Variants in MPHOSPH9 observed in about 807,000 individuals in gnomAD.
MPHOSPH9 encodes M-phase phosphoprotein 9.
In MPHOSPH9, 88 loss-of-function variants were observed where a neutral mutation model predicts 145.5. The ratio of observed to expected loss-of-function variants is 0.60; its 90% confidence interval spans 0.51 to 0.72. MPHOSPH9 has a LOEUF of 0.72. Ranked by LOEUF, MPHOSPH9 falls within the 30% of genes least tolerant of loss-of-function variation. MPHOSPH9 has a pLI of 0.00. For synonymous variants in MPHOSPH9, 435 were observed against 486.2 expected (o/e 0.89, Z 1.39); for missense variants, 1,238 against 1,386.6 (o/e 0.89, Z 1.70).
At chr12:123,197,199 T>C (rs1412981554) in intron 12 of MPHOSPH9, among the ~76,000 whole-genome samples, 1 of 151,848 alleles carries the variant, frequency 6.6e-6, no homozygotes, top group African/African-American at 2.4e-5. Flanking sequence ...AAATTTTTTT[T>C]TGAGACAGGG....
intron 3 of MPHOSPH9, among the ~76,000 whole-genome samples, chr12:123,226,940 T>A (rs1438174579): frequency 6.6e-6 from 1 of 152,194 alleles, no homozygotes; most frequent in African/African-American, 2.4e-5. Flanking sequence ...CTCGGCCATG[T>A]AAGTATTCTT....
At chr12:123,192,770 T>C (rs1002953325) in intron 13 of MPHOSPH9, among the ~76,000 whole-genome samples, 5 of 151,786 alleles carry the variant, frequency 3.3e-5, no homozygotes, top group Non-Finnish European at 7.4e-5. Flanking sequence ...TAAGACACCA[T>C]TGATTATATA....
intron 1 of MPHOSPH9, chr12:123,240,674 T>C (rs1466648784): frequency 6.6e-6 from 1 of 150,672 alleles, no homozygotes; most frequent in Non-Finnish European, 1.5e-5. Context: ...GGTCCAGAGA[T>C]TGACATCTCA....
chr12:123,202,753 G>A lies in MPHOSPH9; in HGVS notation c.1652C>T (p.Thr551Ile), dbSNP rs1022585002. The A allele has an allele frequency of 1.2e-6, 2 of 1,614,162 alleles. No homozygotes were observed. The highest frequency in any genetic ancestry group is 4.5e-5 in the East Asian group (2 of 44,884). Residue 551 changes from threonine (T) to isoleucine (I), a missense_variant, in exon 10 of 24, where the codon ACT (threonine) becomes ATT (isoleucine). By Grantham distance (89) the Thr-to-Ile change is moderately conservative (BLOSUM62 -1). Around this residue, in one of 3 missense-constraint regions of MPHOSPH9, gnomAD observed 837 missense variants for 897.5 expected, o/e 0.93. Coordinates refer to ENST00000606320, the MANE Select transcript of MPHOSPH9 (RefSeq NM_022782.4). ...CATGACAGTGTTTTCTTCATCTACA[G>A]TGTTGACCGAGATATCATTACTAGT... ...TITSNDISVN[T>I]VDEENTVMVA...
rs750477708 is a variant in MPHOSPH9 at position 123,194,435 on chromosome 12, G to C, written c.2192C>G (p.Ser731Ter). The change falls in exon 13 of 24, where the codon TCA becomes TGA. Residue 731 changes from serine (S) to a stop codon, truncating the protein, a stop_gained. Coordinates refer to ENST00000606320, the MANE Select transcript of MPHOSPH9 (RefSeq NM_022782.4). LOFTEE classifies it high-confidence loss of function. Reference sequence around the variant, plus strand: ...TTTTAGTTGAGCTTCTTTATCATCTGAGAGTTTGTAAGCATTCTCAAATGC... The same window carrying C: ...TTTTAGTTGAGCTTCTTTATCATCTCAGAGTTTGTAAGCATTCTCAAATGC... ...EEAFENAYKLSDDKEAQLKQE... is the reference protein window; with the variant it reads ...EEAFENAYKL 2 of 1,608,408 alleles carry C rather than the reference G, an allele frequency of 1.2e-6. No homozygotes were observed. The highest frequency in any genetic ancestry group is 4.5e-5 in the East Asian group (2 of 44,844).
chr12:123,198,267 T>C lies in MPHOSPH9; in HGVS notation c.2005A>G (p.Asn669Asp). ...CTTACCACTTCAATTTCCAGTAAGT[T>C]ATTCTTATTTTCAAGTGTTCTCACG... is the stretch of plus-strand genomic sequence containing the variant. ...SRVRTLENKN[N>D]LLEIEVNDLR... The change falls in exon 12 of 24, where the codon AAC becomes GAC. Residue 669 changes from asparagine to aspartate, a missense_variant. By Grantham distance (23) the Asn-to-Asp change is conservative. Coordinates refer to ENST00000606320, the MANE Select transcript of MPHOSPH9 (RefSeq NM_022782.4). The C allele has an allele frequency of 4.3e-6, 7 of 1,611,064 alleles. No individual in the cohort carries two copies. The highest frequency in any genetic ancestry group is 5.9e-6 in the Non-Finnish European group (7 of 1,178,326).
At position 123,154,445 on chromosome 12, in the gene MPHOSPH9, GA is replaced by G. The variant is rs2043823548; in HGVS notation, c.*2361del. On this transcript the variant is annotated 3_prime_UTR_variant, in exon 24 of 24. Transcript: ENST00000606320. The stretch of plus-strand genomic sequence containing the variant: ...CCTCTTCACAGCTATGAAGAAAAAA[GA>G]ATACATTTTTTAGAAATAAGTGACT... 1 of 152,104 alleles carries G rather than the reference GA, an allele frequency of 6.6e-6. No individual in the cohort carries two copies. Among genetic ancestry groups the G allele is most frequent in the Non-Finnish European group, 1.5e-5 (1 of 68,008 alleles). 9.4% of individuals were successfully genotyped at this position (152,104 alleles called of 1,614,324 possible).
chr12:123,202,762 G>A lies in MPHOSPH9; in HGVS notation c.1643C>T (p.Ser548Leu), dbSNP rs769274779. ...SVYTITSNDI[S>L]VNTVDEENTV... The stretch of plus-strand genomic sequence containing the variant: ...GTTTTCTTCATCTACAGTGTTGACC[G>A]AGATATCATTACTAGTAATGGTATA... The change falls in exon 10 of 24, where the codon TCG becomes TTG. Residue 548 changes from serine to leucine, a missense_variant. By Grantham distance (145) the Ser-to-Leu change is moderately radical (BLOSUM62 -2). Around this residue, in one of 3 missense-constraint regions of MPHOSPH9, gnomAD observed 837 missense variants for 897.5 expected, o/e 0.93. Coordinates refer to ENST00000606320, the MANE Select transcript of MPHOSPH9 (RefSeq NM_022782.4). 13 of 1,614,108 alleles carry A rather than the reference G, an allele frequency of 8.1e-6. 1 individual carries two copies. Among genetic ancestry groups the A allele is most frequent in the South Asian group, 1.1e-5 (1 of 91,078 alleles).
intron 8 of MPHOSPH9, among the ~76,000 whole-genome samples, chr12:123,207,817 C>A (rs1323959230): frequency 6.7e-6 from 1 of 148,614 alleles, no homozygotes; most frequent in African/African-American, 2.5e-5. Context: ...CACGCCACTG[C>A]ACTCCAGCCT....
chr12:123,178,182 C>T (rs1459737474), intron 15 of MPHOSPH9, among the ~76,000 whole-genome samples: 2 of 152,230 alleles, frequency 1.3e-5, no homozygotes, highest in Non-Finnish European at 2.9e-5. Context: ...GCTGGGAGTA[C>T]TGGTGCATAC....
At chr12:123,180,039 T>C (rs1228450998) in intron 14 of MPHOSPH9, 49 bp from the exon 15 acceptor site, 9 of 1,011,584 alleles carry the variant, frequency 8.9e-6, no homozygotes, top group Non-Finnish European at 1.3e-5. Context: ...AATATTCACA[T>C]GAATTATTTT....
chr12:123,161,092 T>C (rs755542194), intron 22 of MPHOSPH9, 44 bp downstream of exon 22: 1 of 1,600,950 alleles, frequency 6.2e-7, no homozygotes. Flanking sequence ...GACATAAGCA[T>C]TAAGTTCAGA....
In MPHOSPH9 at chr12:123,189,277, C is replaced by G. The variant is rs891006001; in HGVS notation, c.2241+5109G>C. 3.3e-5 allele frequency among the ~76,000 whole-genome samples: 5 copies of G among 152,256 alleles called. No homozygotes were observed. In the South Asian group the frequency reaches 6.2e-4, roughly 19 times the overall value. ...CAGCTCCCAGTCCTTAAGTTTTGAG[C>G]TGAGGTCCTAGACACTGCAGAGCAG... On this transcript the variant is annotated intron_variant, in intron 13 of 23. Transcript: ENST00000606320.
intron 10 of MPHOSPH9, 64 bp from the exon 11 acceptor site, chr12:123,202,383 GA>G (rs1443518436): frequency 6.8e-7 from 1 of 1,472,956 alleles, no homozygotes; most frequent in Non-Finnish European, 9.1e-7. Flanking sequence ...TCCCACAAGA[GA>G]AACCAAGAAC....
chr12:123,210,829 G>T (rs1372610233), intron 7 of MPHOSPH9, among the ~76,000 whole-genome samples: 4 of 151,920 alleles, frequency 2.6e-5, no homozygotes, highest in African/African-American at 9.7e-5. Context: ...GTCTCGCTCT[G>T]TTGCCCAAGA....
At chr12:123,235,124 G>T (rs1178367234), upstream of MPHOSPH9, among the ~76,000 whole-genome samples, 1 of 152,176 alleles carries the variant, frequency 6.6e-6, no homozygotes, top group Non-Finnish European at 1.5e-5. Context: ...CAGCCTTGTA[G>T]TTGAGAGATC....
chr12:123,215,506 T>C (rs2046917355), intron 6 of MPHOSPH9, among the ~76,000 whole-genome samples: 1 of 152,078 alleles, frequency 6.6e-6, no homozygotes, highest in South Asian at 2.1e-4. Context: ...ATGTAAAAGC[T>C]CTAACAATTC....
Position 123,230,423 on chromosome 12 carries a change from G to GGATTCAGCCAT in MPHOSPH9, c.-60_-59insATGGCTGAATC. On this transcript the variant is annotated 5_prime_UTR_variant, in exon 2 of 24. It adds an upstream start codon to the 5' untranslated region. Coordinates refer to ENST00000606320, the MANE Select transcript of MPHOSPH9 (RefSeq NM_022782.4). ...AAATAAAGGTTCTTGGGCTGTTTGAGAAAAATGAATCCGTGTCATCTTCAG... is the reference window on the plus strand; with the variant it reads ...AAATAAAGGTTCTTGGGCTGTTTGAGGATTCAGCCATAAAAATGAATCCGTGTCATCTTCAG... The GGATTCAGCCAT allele has an allele frequency of 3.0e-6, 3 of 1,016,428 alleles. No homozygotes were observed. In the South Asian group the frequency reaches 4.9e-5, roughly 16 times the overall value. 63.0% of individuals were successfully genotyped at this position (1,016,428 alleles called of 1,614,324 possible). A position where few individuals can be genotyped will look rare whatever the true frequency, so the allele number is the denominator to read the frequency against.
intron 11 of MPHOSPH9, among the ~76,000 whole-genome samples, chr12:123,201,172 C>T (rs1023350674): frequency 5.3e-5 from 8 of 152,132 alleles, no homozygotes; most frequent in Non-Finnish European, 1.2e-4. Flanking sequence ...TTAACTACCA[C>T]AGCAACCAAA....
Sources: gnomAD v4.1 joint callset for allele counts (sites outside exome capture counted in the v4.1 genomes callset) on GRCh38, gnomAD v4.1.1 for gene constraint, gnomAD v4.1.1 regional missense constraint, MANE v1.5 for transcripts, NCBI Gene and HGNC (gene_info 2026-07-23, HGNC 2026-07-21) for gene names.